The following PSTPIP1 variants were observed in gnomAD, a reference collection of about 807,000 sequenced individuals.
PSTPIP1 encodes proline-serine-threonine phosphatase interacting protein 1.
PSTPIP1 carries 66 observed loss-of-function variants against 69.6 expected under a neutral mutation model. The ratio of observed to expected loss-of-function variants is 0.95; its 90% CI spans 0.78 to 1.16. The LOEUF (loss-of-function observed/expected upper bound fraction) is 1.16, where lower values mean the gene tolerates loss of function less well. Among genes scored for constraint, PSTPIP1 ranks in the 50% most tolerant of loss-of-function variants. The probability of loss-of-function intolerance (pLI) is 0.00; values close to 1 mark genes in which losing one functional copy is unlikely to be tolerated. For missense variants in PSTPIP1, 603 were observed against 557.4 expected, an observed-to-expected ratio of 1.08 and a Z score of -0.82; for synonymous variants, 266 against 222.7, an observed-to-expected ratio of 1.19 and a Z score of -1.73.
At chr15:77,000,458 G>GATATATATAT (rs148680520) in intron 1 of PSTPIP1, among the ~76,000 whole-genome samples, 6 of 139,120 alleles carry the variant, frequency 4.3e-5, no homozygotes, top group African/African-American at 1.7e-4. Flanking sequence ...CATTTAAAGA[G>GATATATATAT]AGATATATAT....
chr15:77,016,579 G>A (rs1186776753), intron 1 of PSTPIP1, among the ~76,000 whole-genome samples: 1 of 152,124 alleles, frequency 6.6e-6, no homozygotes, highest in African/African-American at 2.4e-5. Context: ...AGCTGAGCCT[G>A]GACCAGGCCC....
At chr15:77,033,818 A>G (rs1213990436) in intron 12 of PSTPIP1, among the ~76,000 whole-genome samples, 1 of 86,498 alleles carries the variant, frequency 1.2e-5, no homozygotes, top group East Asian at 2.7e-4. Context: ...GTGCTTAGAG[A>G]GGGCACACAC....
chr15:76,995,240 C>T lies in PSTPIP1; in HGVS notation c.-334C>T. ...CTCCCACCCAGGGCTGGCATCCCTG[C>T]TCCCTGCCCTGGGTCCCAGACTGTG... is the stretch of plus-strand genomic sequence containing the variant. On this transcript the variant is annotated 5_prime_UTR_variant, in exon 1 of 15. Transcript: ENST00000558012. The T allele has an allele frequency of 8.0e-7, 1 of 1,256,522 alleles. No individual in the cohort carries two copies. The highest frequency in any genetic ancestry group is 1.0e-6 in the Non-Finnish European group (1 of 988,058). The allele number at this position is 1,256,522 out of a possible 1,614,324, so 77.8% of individuals were successfully genotyped here. A position where few individuals can be genotyped will look rare whatever the true frequency, so the allele number is the denominator to read the frequency against.
intron 1 of PSTPIP1, among the ~76,000 whole-genome samples, chr15:77,003,718 C>T (rs190215098): frequency 8.0e-4 from 122 of 152,084 alleles, no homozygotes; most frequent in African/African-American, 2.7e-3. Flanking sequence ...CCCTCACCCA[C>T]ACTTGCTAGG....
chr15:77,016,736 C>T (rs973045921), intron 1 of PSTPIP1, among the ~76,000 whole-genome samples: 1 of 152,114 alleles, frequency 6.6e-6, no homozygotes, highest in Non-Finnish European at 1.5e-5. Context: ...GCCATTGCTA[C>T]CCCTACTTCA....
At chr15:77,004,687 TA>T (rs71143383) in intron 1 of PSTPIP1, among the ~76,000 whole-genome samples, 8 of 142,676 alleles carry the variant, frequency 5.6e-5, no homozygotes, top group Admixed American at 7.0e-5. Flanking sequence ...AACCACTTCT[TA>T]AAAAAAAAAA....
intron 14 of PSTPIP1, among the ~76,000 whole-genome samples, chr15:77,036,587 C>G (rs1031247618): frequency 2.6e-5 from 4 of 152,170 alleles, no homozygotes; most frequent in Non-Finnish European, 5.9e-5. Context: ...CATAGCCAGG[C>G]AGGCTGGGTG....
chr15:77,023,274 A>C (rs965795108), intron 3 of PSTPIP1, among the ~76,000 whole-genome samples: 1 of 152,270 alleles, frequency 6.6e-6, no homozygotes, highest in African/African-American at 2.4e-5. Flanking sequence ...GGGCCAGCCC[A>C]AAGTGACATC....
intron 3 of PSTPIP1, chr15:77,023,954 G>C (rs1369730484): frequency 1.3e-5 from 2 of 152,186 alleles, no homozygotes; most frequent in Non-Finnish European, 1.5e-5. Flanking sequence ...GGGAAGGTGG[G>C]GTCACCACAC....
chr15:77,035,635 A>C (rs2076544095), intron 13 of PSTPIP1, 72 bp downstream of exon 13: 2 of 1,508,020 alleles, frequency 1.3e-6, no homozygotes, highest in East Asian at 2.5e-5. Context: ...CACATGGCAC[A>C]GATGGGGCCA....
In PSTPIP1 at chr15:76,995,550, C is replaced by A; in HGVS notation, c.-24C>A. On this transcript the variant is annotated 5_prime_UTR_variant, in exon 1 of 15. Coordinates refer to ENST00000558012, the MANE Select transcript of PSTPIP1 (RefSeq NM_003978.5). ...GGCCAGCCTGTGGCAGGAGAGTGAG[C>A]TTTGCCGCGGCAGACGCCTGAGGAT... 4 of 1,613,828 alleles carry A rather than the reference C, an allele frequency of 2.5e-6. No homozygotes were observed. The highest frequency in any genetic ancestry group is 3.4e-6 in the Non-Finnish European group (4 of 1,179,886).
intron 1 of PSTPIP1, among the ~76,000 whole-genome samples, chr15:77,016,706 G>C (rs955025608): frequency 6.6e-6 from 1 of 151,746 alleles, no homozygotes; most frequent in African/African-American, 2.4e-5. Context: ...GGGAGGGGGG[G>C]CACTGTTGGG....
intron 3 of PSTPIP1, among the ~76,000 whole-genome samples, chr15:77,022,200 G>A (rs994886311): frequency 2.6e-5 from 4 of 152,182 alleles, no homozygotes; most frequent in South Asian, 2.1e-4. Context: ...GGATATTGGC[G>A]GGAGAGAGCC....
At chr15:77,034,592 C>T (rs2076509360) in intron 12 of PSTPIP1, among the ~76,000 whole-genome samples, 1 of 152,056 alleles carries the variant, frequency 6.6e-6, no homozygotes, top group African/African-American at 2.4e-5. Context: ...AATTGGTCCA[C>T]TCCACTCCAC....
intron 6 of PSTPIP1, chr15:77,028,328 C>A: frequency 1.9e-6 from 1 of 523,634 alleles, no homozygotes; most frequent in African/African-American, 1.9e-5. Flanking sequence ...CCGGGGCAGG[C>A]CGCGCTGTCC....
intron 7 of PSTPIP1, 87 bp downstream of exon 7, chr15:77,028,739 C>A (rs560584334): frequency 1.8e-6 from 2 of 1,125,288 alleles, no homozygotes; most frequent in Non-Finnish European, 2.5e-6. Context: ...CACCCCCAGG[C>A]AAGATCTGCA....
At position 77,027,127 on chromosome 15, in the gene PSTPIP1, TGTGA is replaced by T. The variant is rs983753506; in HGVS notation, c.355-721_355-718del. On this transcript the variant is annotated intron_variant, in intron 5 of 14. Coordinates refer to ENST00000558012, the MANE Select transcript of PSTPIP1 (RefSeq NM_003978.5). This position sits in a 1 kb window ranked among gnomAD's most constrained non-coding sequence, Gnocchi z 4.3. ...ACTTGGGTGTTTTGTGCTGTGTGTG[TGTGA>T]GTGCCTGTGCCTCGCTGGTCTCCCA... Among the ~76,000 whole-genome samples, 1 of 152,234 alleles carries T rather than the reference TGTGA, an allele frequency of 6.6e-6. No individual in the cohort carries two copies. Among genetic ancestry groups the T allele is most frequent in the Non-Finnish European group, 1.5e-5 (1 of 68,024 alleles).
intron 1 of PSTPIP1, among the ~76,000 whole-genome samples, chr15:77,009,047 G>C (rs1452983678): frequency 6.6e-6 from 1 of 152,144 alleles, no homozygotes; most frequent in Non-Finnish European, 1.5e-5. Context: ...TCTGAGCCTT[G>C]GTTCCTTGTT....
intron 1 of PSTPIP1, among the ~76,000 whole-genome samples, chr15:77,016,746 A>C (rs2076060076): frequency 6.6e-6 from 1 of 152,154 alleles, no homozygotes; most frequent in Admixed American, 6.5e-5. Context: ...CCCCTACTTC[A>C]GATTCTTCTT....
Sources: allele counts gnomAD v4.1 joint callset (sites outside exome capture counted in the v4.1 genomes callset), GRCh38; gene constraint gnomAD v4.1.1; non-coding constraint Gnocchi (gnomAD v3.1); transcripts MANE v1.5; gene names NCBI Gene and HGNC (gene_info 2026-07-23, HGNC 2026-07-21).